The following RANBP17 variants were observed in gnomAD, a reference collection of about 807,000 sequenced individuals.
RANBP17 encodes the protein RAN binding protein 17, also known as ran-binding protein 17.
A neutral mutation model predicts 141.2 loss-of-function variants in RANBP17; 158 were observed. The observed-to-expected ratio is 1.12, with a 90% CI of 0.98 to 1.28. The LOEUF (loss-of-function observed/expected upper bound fraction) is 1.28, where lower values mean the gene tolerates loss of function less well. Ranked by LOEUF, RANBP17 falls within the 50% of genes most tolerant of loss-of-function variation. The pLI, the probability that RANBP17 is intolerant of heterozygous loss-of-function variation, is 0.00. For synonymous variants in RANBP17, 430 were observed against 450.0 expected, an observed-to-expected ratio of 0.96 and a Z score of 0.56; for missense variants, 1,438 against 1,290.7, an observed-to-expected ratio of 1.11 and a Z score of -1.75.
At chr5:171,071,324 C>T (rs2127693148) in intron 14 of RANBP17, among the ~76,000 whole-genome samples, 1 of 152,048 alleles carries the variant, frequency 6.6e-6, no homozygotes, top group Non-Finnish European at 1.5e-5. Flanking sequence ...ATCAAAATCC[C>T]AGCATATTTT....
At chr5:171,005,422 C>G (rs1157724298) in intron 14 of RANBP17, among the ~76,000 whole-genome samples, 1 of 152,028 alleles carries the variant, frequency 6.6e-6, no homozygotes, top group Non-Finnish European at 1.5e-5. Flanking sequence ...CAGAACAGAG[C>G]CCTCAGAAAT....
At chr5:171,165,474 A>G in intron 14 of RANBP17, among the ~76,000 whole-genome samples, 1 of 152,142 alleles carries the variant, frequency 6.6e-6, no homozygotes, top group Non-Finnish European at 1.5e-5. Flanking sequence ...CACCGCGCCC[A>G]GCCTAAAGTA....
At chr5:170,906,352 A>G (rs945356370) in intron 5 of RANBP17, among the ~76,000 whole-genome samples, 3 of 151,950 alleles carry the variant, frequency 2.0e-5, no homozygotes, top group African/African-American at 4.8e-5. Flanking sequence ...AGTTTTGTAA[A>G]ATGTCCCTCA....
chr5:171,221,707 G>C, intron 21 of RANBP17, 51 bp from the exon 22 acceptor site: 1 of 1,012,556 alleles, frequency 9.9e-7, no homozygotes, highest in Non-Finnish European at 1.6e-6. Context: ...TTAAATCTGT[G>C]TTTGGTTTCT....
intron 13 of RANBP17, among the ~76,000 whole-genome samples, chr5:170,966,905 C>G (rs913259412): frequency 3.3e-5 from 5 of 152,178 alleles, no homozygotes; most frequent in South Asian, 2.1e-4. Context: ...CAATAACAGA[C>G]AAACAGAGAT....
At chr5:171,004,072 C>T (rs185611373) in intron 14 of RANBP17, among the ~76,000 whole-genome samples, 6 of 152,102 alleles carry the variant, frequency 3.9e-5, no homozygotes, top group Admixed American at 3.9e-4. Context: ...TTTTAGAAGC[C>T]CATGCTGTAG....
chr5:171,271,264 T>C, intron 25 of RANBP17: 1 of 215,574 alleles, frequency 4.6e-6, no homozygotes, highest in Non-Finnish European at 9.4e-6. Context: ...TATAGTGCTC[T>C]TCATGACATG....
chr5:171,269,528 T>C (rs931144188), intron 25 of RANBP17, among the ~76,000 whole-genome samples: 1 of 152,170 alleles, frequency 6.6e-6, no homozygotes, highest in Non-Finnish European at 1.5e-5. Context: ...GGGTTATTAT[T>C]AGCAGGGATG....
At chr5:170,894,672 A>G (rs1320652054) in intron 4 of RANBP17, among the ~76,000 whole-genome samples, 2 of 151,774 alleles carry the variant, frequency 1.3e-5, no homozygotes, top group Non-Finnish European at 2.9e-5. Context: ...ACTTTTGTGC[A>G]TTCTCTTTTT....
chr5:171,243,273 A>G (rs943628220), intron 24 of RANBP17, among the ~76,000 whole-genome samples: 1 of 152,220 alleles, frequency 6.6e-6, no homozygotes, highest in Non-Finnish European at 1.5e-5. Context: ...GTGGAATTGT[A>G]TAATATGAAG....
chr5:171,103,335 G>A (rs1182310510), intron 14 of RANBP17, among the ~76,000 whole-genome samples: 1 of 152,192 alleles, frequency 6.6e-6, no homozygotes, highest in East Asian at 1.9e-4. Context: ...TCTGGCTACA[G>A]CGACTTTGCC....
rs562114795 is a variant in RANBP17, at chr5:170,939,157, T to C, written c.1469-14440T>C. ...AGCAAAAATAACTGCCAGGCTGTTA[T>C]TGTATATCAGCAAAAATATCTTTCG... is the stretch of plus-strand genomic sequence containing the variant. On this transcript the variant is annotated intron_variant, in intron 12 of 27. Coordinates refer to ENST00000523189, the MANE Select transcript of RANBP17 (RefSeq NM_022897.5). Among the ~76,000 whole-genome samples, 20 of 152,292 alleles carry C rather than the reference T, an allele frequency of 1.3e-4. No homozygotes were observed. The East Asian group carries it at 3.5e-3, about 26-fold the overall frequency.
At chr5:170,946,369 AC>A (rs1324284704) in intron 12 of RANBP17, among the ~76,000 whole-genome samples, 1 of 152,196 alleles carries the variant, frequency 6.6e-6, no homozygotes, top group Non-Finnish European at 1.5e-5. Context: ...GAGAGTCATT[AC>A]ATATGCATTC....
intron 14 of RANBP17, among the ~76,000 whole-genome samples, chr5:171,135,130 A>G (rs2127796577): frequency 6.6e-6 from 1 of 151,128 alleles, no homozygotes; most frequent in South Asian, 2.1e-4. Context: ...AATAATAATA[A>G]TTAGCCAGGC....
intron 14 of RANBP17, among the ~76,000 whole-genome samples, chr5:171,155,094 A>AAAT (rs34090443): frequency 0.026 from 1,973 of 74,792 alleles, 33 homozygotes; most frequent in Middle Eastern, 0.041. Context: ...AAAAAAAAAA[A>AAAT]ATATATATAT....
chr5:171,035,737 GTT>G (rs781327156), intron 14 of RANBP17, among the ~76,000 whole-genome samples: 1,349 of 95,414 alleles, frequency 0.014, 24 homozygotes, highest in African/African-American at 0.041. Flanking sequence ...TTCTTTTTTT[GTT>G]TTTTTTTTTT....
At chr5:171,139,724 A>C (rs761499007) in intron 14 of RANBP17, among the ~76,000 whole-genome samples, 7 of 152,170 alleles carry the variant, frequency 4.6e-5, no homozygotes, top group Non-Finnish European at 1.0e-4. Flanking sequence ...CCTAACTTGA[A>C]TCCTGACTCT....
chr5:170,898,826 TTGTAGA>T (rs1770365381), intron 5 of RANBP17, among the ~76,000 whole-genome samples: 1 of 152,152 alleles, frequency 6.6e-6, no homozygotes, highest in Admixed American at 6.5e-5. Context: ...AATCAGATGG[TTGTAGA>T]TGTAGAGCAT....
chr5:170,991,316 A>G (rs778584118), intron 14 of RANBP17, among the ~76,000 whole-genome samples: 7 of 152,028 alleles, frequency 4.6e-5, no homozygotes, highest in Non-Finnish European at 8.8e-5. Context: ...AGGATTTAAG[A>G]AAACATCATA....
Sources: gnomAD v4.1 joint callset for allele counts (sites outside exome capture counted in the v4.1 genomes callset) on GRCh38, gnomAD v4.1.1 for gene constraint, MANE v1.5 for transcripts, NCBI Gene and HGNC (gene_info 2026-07-23, HGNC 2026-07-21) for gene names.